The following KCNIP4 variants were observed in gnomAD, a reference collection of about 807,000 sequenced individuals.
KCNIP4 encodes potassium voltage-gated channel interacting protein 4.
Under a neutral mutation model 34.0 loss-of-function variants are expected in KCNIP4, and 12 were observed. The observed-to-expected ratio is 0.35, with a 90% confidence interval of 0.23 to 0.57. The LOEUF (loss-of-function observed/expected upper bound fraction) is 0.57. KCNIP4 is among the 20% of genes least tolerant of loss of function. The pLI is 0.83. For synonymous variants in KCNIP4, 124 were observed against 102.2 expected, an observed-to-expected ratio of 1.21 and a Z score of -1.29; for missense variants, 238 against 311.7, an observed-to-expected ratio of 0.76 and a Z score of 1.78.
At chr4:21,827,696 T>A (rs1015754085) in intron 1 of KCNIP4, among the ~76,000 whole-genome samples, 2 of 151,926 alleles carry the variant, frequency 1.3e-5, no homozygotes, top group African/African-American at 2.4e-5. Context: ...ACAAGCAAAT[T>A]CGCTGGTTTT....
chr4:21,762,336 C>T (rs1334647782), intron 1 of KCNIP4, among the ~76,000 whole-genome samples: 1 of 152,054 alleles, frequency 6.6e-6, no homozygotes, highest in Non-Finnish European at 1.5e-5. Flanking sequence ...TTCAGGTGCT[C>T]GTTAGCCATA....
chr4:21,310,068 C>T (rs1712978294), intron 1 of KCNIP4, among the ~76,000 whole-genome samples: 1 of 152,088 alleles, frequency 6.6e-6, no homozygotes, highest in Non-Finnish European at 1.5e-5. Context: ...CTTGCTTTTT[C>T]ACCTAGGATG....
intron 1 of KCNIP4, among the ~76,000 whole-genome samples, chr4:21,583,289 C>A (rs916723652): frequency 9.2e-5 from 14 of 151,924 alleles, no homozygotes; most frequent in African/African-American, 2.9e-4. Context: ...TCAAGGCCAA[C>A]TCAACTATTT....
At chr4:21,619,447 C>G (rs1744856470) in intron 1 of KCNIP4, among the ~76,000 whole-genome samples, 1 of 152,134 alleles carries the variant, frequency 6.6e-6, no homozygotes, top group Non-Finnish European at 1.5e-5. Context: ...TTGATCATAT[C>G]CTTGTTGTTA....
At chr4:20,813,352 T>C (rs10050041) in intron 3 of KCNIP4, among the ~76,000 whole-genome samples, 72,332 of 151,874 alleles carry the variant, frequency 0.48, 17,516 homozygotes, top group Admixed American at 0.57. Flanking sequence ...GAACACAGCA[T>C]CAACCCAAAG....
chr4:21,457,526 T>C (rs1454122833), intron 1 of KCNIP4, among the ~76,000 whole-genome samples: 1 of 152,054 alleles, frequency 6.6e-6, no homozygotes, highest in Non-Finnish European at 1.5e-5. Context: ...AATGTCTTCC[T>C]CTTAATAACA....
intron 1 of KCNIP4, among the ~76,000 whole-genome samples, chr4:21,445,358 ACC>A (rs1727887257): frequency 6.6e-6 from 1 of 152,214 alleles, no homozygotes; most frequent in Admixed American, 6.5e-5. Context: ...GCATCACGCT[ACC>A]TGACTTCAAA....
At chr4:21,878,144 C>T (rs545561334) in intron 1 of KCNIP4, among the ~76,000 whole-genome samples, 53 of 152,310 alleles carry the variant, frequency 3.5e-4, no homozygotes, top group African/African-American at 1.2e-3. Flanking sequence ...GGTATGGTCT[C>T]TGCTGACTGT....
chr4:21,882,949 AT>A (rs570347584), intron 1 of KCNIP4, among the ~76,000 whole-genome samples: 1 of 152,028 alleles, frequency 6.6e-6, no homozygotes, highest in Non-Finnish European at 1.5e-5. Flanking sequence ...ATACCTGATT[AT>A]TTTTTTCCCT....
At chr4:21,095,868 G>A (rs1202536928) in intron 1 of KCNIP4, among the ~76,000 whole-genome samples, 2 of 152,124 alleles carry the variant, frequency 1.3e-5, no homozygotes, top group Admixed American at 1.3e-4. Flanking sequence ...GTTATGCACT[G>A]CTGCATGTAA....
At chr4:21,033,423 T>G (rs948183822) in intron 1 of KCNIP4, among the ~76,000 whole-genome samples, 1 of 152,228 alleles carries the variant, frequency 6.6e-6, no homozygotes, top group East Asian at 1.9e-4. Context: ...GGCTATGTTT[T>G]TTGAGAACTC....
At chr4:21,683,942 G>A (rs1013119591) in intron 1 of KCNIP4, among the ~76,000 whole-genome samples, 16 of 151,988 alleles carry the variant, frequency 1.1e-4, no homozygotes, top group Non-Finnish European at 2.1e-4. Context: ...TCATGAACAC[G>A]AAGAGGGGAA....
chr4:21,138,946 A>G lies in KCNIP4; in HGVS notation c.62-256237T>C, dbSNP rs142662664. ...CCTGCCAAGAACTTCATTTTACCCT[A>G]GTGAAAGTCATTCAGACTTCTGACC... On this transcript the variant is annotated intron_variant, in intron 1 of 8. Transcript: ENST00000382152. Among the ~76,000 whole-genome samples the G allele has an allele frequency of 6.1e-3, 927 of 152,338 alleles. 7 individuals are homozygous for G. The highest frequency in any genetic ancestry group is 0.021 in the African/African-American group (865 of 41,584).
At chr4:21,856,725 C>T (rs532549749) in intron 1 of KCNIP4, among the ~76,000 whole-genome samples, 1 of 152,182 alleles carries the variant, frequency 6.6e-6, no homozygotes, top group Non-Finnish European at 1.5e-5. Flanking sequence ...CCCTCCCCTT[C>T]CACTGCCTGG....
chr4:21,272,500 G>T (rs1006536962), intron 1 of KCNIP4, among the ~76,000 whole-genome samples: 4 of 152,126 alleles, frequency 2.6e-5, no homozygotes, highest in African/African-American at 9.7e-5. Flanking sequence ...GAAATTGGCA[G>T]CAAAACTCAG....
rs141520747 is a variant in KCNIP4 at position 21,204,438 on chromosome 4, T to A, written c.62-321729A>T. Among the ~76,000 whole-genome samples the A allele has an allele frequency of 3.9e-5, 6 of 152,260 alleles. No individual in the cohort carries two copies. In the East Asian group the frequency reaches 1.2e-3, roughly 29 times the overall value. On this transcript the variant is annotated intron_variant, in intron 1 of 8. Transcript: ENST00000382152. ...TAGGTCAAAGGGGCTCTGTAAATCG[T>A]AAAGTGCTTGCAGAATGGTGAAGTG... is the stretch of plus-strand genomic sequence containing the variant.
At chr4:21,509,598 T>G (rs944159461) in intron 1 of KCNIP4, among the ~76,000 whole-genome samples, 1 of 152,132 alleles carries the variant, frequency 6.6e-6, no homozygotes, top group African/African-American at 2.4e-5. Flanking sequence ...ATGAGGAAAG[T>G]GAGCCATTAT....
intron 1 of KCNIP4, among the ~76,000 whole-genome samples, chr4:21,444,137 C>T (rs1727745604): frequency 6.6e-6 from 1 of 152,118 alleles, no homozygotes. Context: ...TAATTAATAG[C>T]TTACCAACCA....
chr4:21,773,756 TTTGTTTGTTTG>T, intron 1 of KCNIP4, among the ~76,000 whole-genome samples: 1 of 134,862 alleles, frequency 7.4e-6, no homozygotes, highest in African/African-American at 3.7e-5. Context: ...TTTTTTTTTT[TTTGTTTGTTTG>T]TTTTTGTTTT....
Sources: allele counts gnomAD v4.1 joint callset (sites outside exome capture counted in the v4.1 genomes callset), GRCh38; gene constraint gnomAD v4.1.1; transcripts MANE v1.5; gene names NCBI Gene and HGNC (gene_info 2026-07-23, HGNC 2026-07-21).